LYZL6: variants seen among roughly 807,000 people sequenced by gnomAD.
LYZL6 encodes lysozyme-like protein 6.
A neutral mutation model predicts 15.0 loss-of-function variants in LYZL6; 21 were observed. The observed-to-expected ratio is 1.40, with a 90% CI of 1.00 to 2.02. The LOEUF is 2.02. Among genes scored for constraint, LYZL6 ranks in the 30% most tolerant of loss-of-function variants. LYZL6 has a pLI of 0.00. For missense variants in LYZL6, 173 were observed against 180.5 expected, an observed-to-expected ratio of 0.96 and a Z score of 0.24; for synonymous variants, 72 against 67.8, an observed-to-expected ratio of 1.06 and a Z score of -0.31.
Position 35,939,095 on chromosome 17 carries a change from C to CT in LYZL6, c.139+122dup, listed in dbSNP as rs979940250. 5.8e-6 allele frequency: 7 copies of CT among 1,213,022 alleles called. No individual in the cohort carries two copies. The African/African-American group carries it at 9.1e-5, about 16-fold the overall frequency. 75.1% of individuals were successfully genotyped at this position (1,213,022 alleles called of 1,614,324 possible). A position where few individuals can be genotyped will look rare whatever the true frequency, so the allele number is the denominator to read the frequency against. ...AGTGAATACAGCGTGTTGGGAAAGG[C>CT]TTTTTTGAAGGGGGCTGCTTTTTGA... On this transcript the variant is annotated intron_variant, in intron 2 of 4. Transcript: ENST00000615905.
rs2089388334 is a variant in LYZL6, at chr17:35,937,809, A to G, written c.247T>C (p.Cys83Arg). The G allele has an allele frequency of 1.9e-6, 3 of 1,614,168 alleles. No individual in the cohort carries two copies. Among genetic ancestry groups the G allele is most frequent in the South Asian group, 1.1e-5 (1 of 91,078 alleles). Residue 83 changes from cysteine (C) to arginine (R), a missense_variant, in exon 3 of 5, where the codon TGC (cysteine) becomes CGC (arginine). Transcript: ENST00000615905. Reference protein sequence around the residue: ...GLFQINSHYWCNDYKSYSENL... With the variant: ...GLFQINSHYWRNDYKSYSENL... Reference sequence around the variant, plus strand: ...TCCGAGTAACTCTTATAATCGTTGCACCAGTAGTGGCTGTTGATCTGGAAG... The same window carrying G: ...TCCGAGTAACTCTTATAATCGTTGCGCCAGTAGTGGCTGTTGATCTGGAAG...
chr17:35,936,328 A>G (rs2089372803), intron 4 of LYZL6, among the ~76,000 whole-genome samples: 1 of 152,220 alleles, frequency 6.6e-6, no homozygotes, highest in South Asian at 2.1e-4. Flanking sequence ...TAGCTTATTA[A>G]CTTTGCAGCA....
At chr17:35,938,694 C>T (rs80040346) in intron 2 of LYZL6, among the ~76,000 whole-genome samples, 211 of 149,972 alleles carry the variant, frequency 1.4e-3, no homozygotes, top group Non-Finnish European at 2.3e-3. Context: ...CAGGTGCACA[C>T]AACTCCTGGG....
At chr17:35,938,945 T>C (rs1264163700) in intron 2 of LYZL6, among the ~76,000 whole-genome samples, 3 of 152,100 alleles carry the variant, frequency 2.0e-5, no homozygotes, top group Admixed American at 2.0e-4. Context: ...ACGTTATGAG[T>C]GTGTTTGTTG....
chr17:35,939,044 A>T (rs1398794009), intron 2 of LYZL6, among the ~76,000 whole-genome samples, 174 bp downstream of exon 2: 1 of 152,262 alleles, frequency 6.6e-6, no homozygotes, highest in African/African-American at 2.4e-5. Context: ...TTGTTGGTAC[A>T]TAATAAGTGC....
In LYZL6 at chr17:35,934,677, G is replaced by A; in HGVS notation, c.*119C>T. 1.0e-6 allele frequency: 1 copy of A among 987,176 alleles called. No individual in the cohort carries two copies. The highest frequency in any genetic ancestry group is 1.5e-6 in the Non-Finnish European group (1 of 648,476). 61.2% of individuals were successfully genotyped at this position (987,176 alleles called of 1,614,324 possible). A position where few individuals can be genotyped will look rare whatever the true frequency, so the allele number is the denominator to read the frequency against. On this transcript the variant is annotated 3_prime_UTR_variant, in exon 5 of 5. Transcript: ENST00000615905. Reference sequence around the variant, plus strand: ...ATTCCTGGGGCTCTGGTCAGTTTTAGTTGTAAATGGGAAGGGAAGAAAATA... The same window carrying A: ...ATTCCTGGGGCTCTGGTCAGTTTTAATTGTAAATGGGAAGGGAAGAAAATA...
chr17:35,941,516 T>C (rs1271664615), intron 1 of LYZL6, among the ~76,000 whole-genome samples: 1 of 152,204 alleles, frequency 6.6e-6, no homozygotes, highest in Non-Finnish European at 1.5e-5. Flanking sequence ...CTATTTGTCC[T>C]TTTGTTGGGT....
chr17:35,938,028 G>T (rs191949012), intron 2 of LYZL6, 112 bp from the exon 3 acceptor site: 714 of 1,045,212 alleles, frequency 6.8e-4, no homozygotes, highest in Non-Finnish European at 8.3e-4. Context: ...GGCCTGGGAG[G>T]CAAGATAGGA....
intron 1 of LYZL6, among the ~76,000 whole-genome samples, chr17:35,939,764 C>T (rs542471222): frequency 1.3e-5 from 2 of 152,254 alleles, no homozygotes; most frequent in South Asian, 4.1e-4. Context: ...TCCCAAAGTG[C>T]TGGGATTACA....
chr17:35,935,081 A>G (rs965498563), intron 4 of LYZL6, among the ~76,000 whole-genome samples: 2 of 151,780 alleles, frequency 1.3e-5, no homozygotes, highest in Non-Finnish European at 2.9e-5. Flanking sequence ...ACGTTTCCAC[A>G]TTTTAAAATC....
chr17:35,936,706 T>C, intron 4 of LYZL6, 49 bp downstream of exon 4: 1 of 1,539,710 alleles, frequency 6.5e-7, no homozygotes, highest in Non-Finnish European at 9.0e-7. Context: ...CTCTGTCACG[T>C]CCTCCTTCGT....
chr17:35,934,893 C>T (rs1475242963), intron 4 of LYZL6, 28 bp from the exon 5 acceptor site: 1 of 1,611,178 alleles, frequency 6.2e-7, no homozygotes, highest in East Asian at 2.2e-5. Context: ...ATGGTTCTTG[C>T]CTCACACTCA....
At chr17:35,937,251 G>A (rs1315620920) in intron 3 of LYZL6, among the ~76,000 whole-genome samples, 1 of 152,188 alleles carries the variant, frequency 6.6e-6, no homozygotes, top group African/African-American at 2.4e-5. Context: ...GGGCCCTGTC[G>A]AGCCTCCTGG....
chr17:35,934,769 G>C lies in LYZL6; in HGVS notation c.*27C>G. 6.2e-7 allele frequency: 1 copy of C among 1,607,632 alleles called. No individual in the cohort carries two copies. Among genetic ancestry groups the C allele is most frequent in the Non-Finnish European group, 8.5e-7 (1 of 1,174,428 alleles). The stretch of plus-strand genomic sequence containing the variant: ...TGAGTGAGGACAGGAGTCTTGGAAT[G>C]ACTCCACGGTGCACCCGCACCCTGT... On this transcript the variant is annotated 3_prime_UTR_variant, in exon 5 of 5. Transcript: ENST00000615905.
chr17:35,935,113 G>A (rs971858532), intron 4 of LYZL6, among the ~76,000 whole-genome samples: 1 of 151,192 alleles, frequency 6.6e-6, no homozygotes, highest in Non-Finnish European at 1.5e-5. Context: ...CTGAAGGGGT[G>A]AGCACTGTTT....
At chr17:35,937,598 A>G (rs2089385736) in intron 3 of LYZL6, among the ~76,000 whole-genome samples, 160 bp downstream of exon 3, 1 of 152,194 alleles carries the variant, frequency 6.6e-6, no homozygotes, top group Non-Finnish European at 1.5e-5. Context: ...CTGGATGGGC[A>G]TTAGGGACAC....
chr17:35,937,497 A>G (rs531009164), intron 3 of LYZL6, among the ~76,000 whole-genome samples: 6 of 152,210 alleles, frequency 3.9e-5, no homozygotes, highest in Non-Finnish European at 8.8e-5. Context: ...TATTCTCTCA[A>G]TAAACATTGG....
Position 35,934,637 on chromosome 17 carries a change from C to G in LYZL6, c.*159G>C, listed in dbSNP as rs1451565469. 7 of 646,526 alleles carry G rather than the reference C, an allele frequency of 1.1e-5. No homozygotes were observed. The highest frequency in any genetic ancestry group is 1.8e-5 in the Non-Finnish European group (7 of 383,926). The allele number at this position is 646,526 out of a possible 1,614,324, so 40.0% of individuals were successfully genotyped here. A position where few individuals can be genotyped will look rare whatever the true frequency, so the allele number is the denominator to read the frequency against. On this transcript the variant is annotated 3_prime_UTR_variant, in exon 5 of 5. Coordinates refer to ENST00000615905, the MANE Select transcript of LYZL6 (RefSeq NM_020426.4). ...GGTCCAGATGGGAGTAAGGAGGAAG[C>G]CAAGAAAACCATTTATTCCTGGGGC...
At chr17:35,938,492 C>G (rs1455807418) in intron 2 of LYZL6, among the ~76,000 whole-genome samples, 1 of 151,760 alleles carries the variant, frequency 6.6e-6, no homozygotes, top group East Asian at 1.9e-4. Flanking sequence ...GTGGTGGGTG[C>G]CTGTAGTTCC....
Sources: allele counts gnomAD v4.1 joint callset (sites outside exome capture counted in the v4.1 genomes callset), GRCh38; gene constraint gnomAD v4.1.1; transcripts MANE v1.5; gene names NCBI Gene and HGNC (gene_info 2026-07-23, HGNC 2026-07-21).